The following PDE1C variants were observed in gnomAD, a reference collection of about 807,000 sequenced individuals.
The protein encoded by PDE1C is phosphodiesterase 1C.
Under a neutral mutation model 93.1 loss-of-function variants are expected in PDE1C, and 62 were observed. The observed-to-expected ratio is 0.67, with a 90% CI of 0.54 to 0.82. The LOEUF (loss-of-function observed/expected upper bound fraction) is 0.82, where lower values mean the gene tolerates loss of function less well. Among genes scored for constraint, PDE1C ranks in the 40% least tolerant of loss-of-function variants. PDE1C has a pLI of 0.00. For synonymous variants in PDE1C, 325 were observed against 310.1 expected, an observed-to-expected ratio of 1.05 and a Z score of -0.50; for missense variants, 742 against 884.6, an observed-to-expected ratio of 0.84 and a Z score of 2.04.
At position 32,147,707 on chromosome 7, in the gene PDE1C, C is replaced by A. The variant is rs112624853; in HGVS notation, c.308+22078G>T. On this transcript the variant is annotated intron_variant, in intron 3 of 18. Coordinates refer to the PDE1C transcript ENST00000396193. ...AACTTGGAATCTTCCTCCCACCCCC[C>A]CTCCAAGCATTGAGACAACCACAAT... Among the ~76,000 whole-genome samples, 11 of 152,186 alleles carry A rather than the reference C, an allele frequency of 7.2e-5. No homozygotes were observed. In the Middle Eastern group the frequency reaches 0.01, roughly 141 times the overall value.
chr7:31,651,675 AGTG>A, the PDE1C span, among the ~76,000 whole-genome samples: 1 of 152,120 alleles, frequency 6.6e-6, no homozygotes, highest in Admixed American at 6.5e-5. Context: ...AAAACTGAAT[AGTG>A]GTGATGATTA....
intron 1 of PDE1C, among the ~76,000 whole-genome samples, chr7:32,214,327 A>G (rs1044842602): frequency 6.6e-6 from 1 of 152,178 alleles, no homozygotes; most frequent in Admixed American, 6.5e-5. Flanking sequence ...GTAAGACTCA[A>G]GAAATGCATC....
chr7:32,106,921 T>C (rs1798343615), intron 3 of PDE1C, among the ~76,000 whole-genome samples: 1 of 146,394 alleles, frequency 6.8e-6, no homozygotes, highest in Admixed American at 6.9e-5. Flanking sequence ...ATGGCTCTAA[T>C]GGAAAAAGCG....
intron 1 of PDE1C, among the ~76,000 whole-genome samples, chr7:32,320,108 C>A (rs1382446817): frequency 6.6e-6 from 1 of 152,174 alleles, no homozygotes. Context: ...CCCACACTAC[C>A]AACTGACAGA....
chr7:31,819,922 A>C (rs771923316), intron 14 of PDE1C, among the ~76,000 whole-genome samples: 5 of 152,282 alleles, frequency 3.3e-5, no homozygotes, highest in Middle Eastern at 3.4e-3. Context: ...AATTTTGACT[A>C]TTTCAAATCT....
intron 2 of PDE1C, among the ~76,000 whole-genome samples, chr7:32,043,077 G>A (rs574678984): frequency 3.3e-5 from 5 of 152,282 alleles, no homozygotes; most frequent in African/African-American, 9.6e-5. Flanking sequence ...GGTTGCCACA[G>A]CTAGGGGAAG....
intron 1 of PDE1C, among the ~76,000 whole-genome samples, chr7:32,248,462 G>A (rs145845091): frequency 6.6e-6 from 1 of 152,170 alleles, no homozygotes; most frequent in Non-Finnish European, 1.5e-5. Flanking sequence ...AAATGTAGCA[G>A]GCAAAATTGA....
upstream of PDE1C, among the ~76,000 whole-genome samples, chr7:32,300,997 C>G (rs1283755337): frequency 1.3e-5 from 2 of 150,732 alleles, no homozygotes; most frequent in African/African-American, 4.9e-5. Flanking sequence ...GCCACCACAC[C>G]TGGCTGCTTT....
intron 16 of PDE1C, among the ~76,000 whole-genome samples, chr7:31,808,589 TGTTTTA>T (rs2128708351): frequency 1.3e-5 from 2 of 152,096 alleles, no homozygotes; most frequent in East Asian, 3.9e-4. Context: ...TTTTTGTTTT[TGTTTTA>T]AACAAAAATA....
At chr7:32,289,116 G>T (rs1020186156) in intron 1 of PDE1C, among the ~76,000 whole-genome samples, 1 of 152,172 alleles carries the variant, frequency 6.6e-6, no homozygotes. Context: ...TAAAAAAAGA[G>T]GTCAGAGGCC....
chr7:32,408,546 T>C (rs1010844497), intron 1 of PDE1C, among the ~76,000 whole-genome samples: 1 of 152,098 alleles, frequency 6.6e-6, no homozygotes, highest in Non-Finnish European at 1.5e-5. Flanking sequence ...CCTAGCACTT[T>C]GGGAGGCCAA....
chr7:32,191,620 G>A (rs1469198867), intron 2 of PDE1C, among the ~76,000 whole-genome samples: 1 of 152,238 alleles, frequency 6.6e-6, no homozygotes, highest in South Asian at 2.1e-4. Flanking sequence ...CCATTCATCT[G>A]TTAGAATACA....
At chr7:32,083,561 A>C (rs952101589) in intron 3 of PDE1C, among the ~76,000 whole-genome samples, 1 of 152,186 alleles carries the variant, frequency 6.6e-6, no homozygotes, top group Non-Finnish European at 1.5e-5. Flanking sequence ...AGATTCACCA[A>C]AGTTGAAATG....
chr7:31,696,721 A>T, the PDE1C span, among the ~76,000 whole-genome samples: 1 of 152,112 alleles, frequency 6.6e-6, no homozygotes, highest in Admixed American at 6.5e-5. Flanking sequence ...CATAATACTA[A>T]ATTCCTCAGG....
rs114375213 is a variant in PDE1C at position 32,337,883 on chromosome 7, G to A, written c.310+89939C>T. Among the ~76,000 whole-genome samples the A allele has an allele frequency of 3.8e-3, 581 of 152,208 alleles. 7 individuals are homozygous for A. Among genetic ancestry groups the A allele is most frequent in the African/African-American group, 0.013 (552 of 41,526 alleles). On this transcript the variant is annotated intron_variant, in intron 1 of 1. Coordinates refer to the PDE1C transcript ENST00000672256. ...CCACGGAGCAAGCAAACGAGGCAGC[G>A]GAGTCTTTTCAACAAGTGGTGCTGA...
At chr7:31,809,503 T>C (rs1787289676) in intron 15 of PDE1C, among the ~76,000 whole-genome samples, 1 of 152,068 alleles carries the variant, frequency 6.6e-6, no homozygotes. Flanking sequence ...TATAGGCATT[T>C]TGGATAAATT....
At chr7:31,899,433 C>A (rs1390564665) in intron 2 of PDE1C, among the ~76,000 whole-genome samples, 1 of 152,106 alleles carries the variant, frequency 6.6e-6, no homozygotes, top group Non-Finnish European at 1.5e-5. Flanking sequence ...TAAGCCACTG[C>A]GCCCGGCCGG....
chr7:32,339,211 G>A (rs372933067), intron 1 of PDE1C, among the ~76,000 whole-genome samples: 1 of 151,964 alleles, frequency 6.6e-6, no homozygotes, highest in African/African-American at 2.4e-5. Flanking sequence ...ACTACTGTAC[G>A]ATTCCATACA....
chr7:32,049,896 G>C (rs1026876245), intron 2 of PDE1C, among the ~76,000 whole-genome samples: 6 of 152,078 alleles, frequency 3.9e-5, no homozygotes, highest in Non-Finnish European at 8.8e-5. Flanking sequence ...TAATAAATGT[G>C]TCCTTAGGCA....
Sources: allele counts gnomAD v4.1 joint callset (sites outside exome capture counted in the v4.1 genomes callset), GRCh38; gene constraint gnomAD v4.1.1; transcripts MANE v1.5; gene names NCBI Gene and HGNC (gene_info 2026-07-23, HGNC 2026-07-21).